Variants in COBL observed in about 807,000 individuals in gnomAD.
COBL encodes the protein cordon-bleu WH2 repeat protein, also known as protein cordon-bleu.
Under a neutral mutation model 98.8 loss-of-function variants are expected in COBL, and 51 were observed. That is an observed-to-expected ratio of 0.52 (90% confidence interval 0.41 to 0.65). The LOEUF (loss-of-function observed/expected upper bound fraction) is 0.65. COBL is among the 30% of genes least tolerant of loss of function. COBL has a pLI of 0.00. For synonymous variants in COBL, 634 were observed against 651.7 expected (o/e 0.97, Z 0.41); for missense variants, 1,617 against 1,617.5 (o/e 1.00, Z 0.01).
intron 1 of COBL, among the ~76,000 whole-genome samples, chr7:51,273,707 AAATG>A (rs375902280): frequency 6.6e-6 from 1 of 152,214 alleles, no homozygotes; most frequent in African/African-American, 2.4e-5. Flanking sequence ...AAGATTCTAA[AAATG>A]AATGACAAGT....
At chr7:51,018,409 C>T (rs530728519) in intron 12 of COBL, 5 of 152,228 alleles carry the variant, frequency 3.3e-5, no homozygotes, top group Admixed American at 2.6e-4. Context: ...CGACACCACC[C>T]GGGTCTGTCT....
chr7:51,020,759 C>A (rs1786850539), intron 12 of COBL, among the ~76,000 whole-genome samples: 1 of 152,144 alleles, frequency 6.6e-6, no homozygotes, highest in Non-Finnish European at 1.5e-5. Flanking sequence ...TTATTTGGAG[C>A]TGGAGGAGAA....
intron 5 of COBL, among the ~76,000 whole-genome samples, chr7:51,177,557 T>C (rs1209253096): frequency 6.6e-6 from 1 of 152,068 alleles, no homozygotes; most frequent in Non-Finnish European, 1.5e-5. Context: ...GCAGATCACC[T>C]GAGGTCAGGA....
At chr7:51,279,799 T>A (rs896722824) in intron 1 of COBL, among the ~76,000 whole-genome samples, 1 of 152,198 alleles carries the variant, frequency 6.6e-6, no homozygotes, top group Admixed American at 6.5e-5. Context: ...TCCTGACCCC[T>A]GGCAACAGCA....
Position 51,027,807 on chromosome 7 carries a change from G to A in COBL, c.3289C>T (p.Pro1097Ser). 6.2e-7 allele frequency: 1 copy of A among 1,614,214 alleles called. No individual in the cohort carries two copies. The highest frequency in any genetic ancestry group is 8.5e-7 in the Non-Finnish European group (1 of 1,180,042). Residue 1097 changes from proline (P) to serine (S), a missense_variant, in exon 10 of 13, where the codon CCT becomes TCT. This residue lies in a region of COBL where 1,304 missense variants were observed against 1,282.0 expected (regional missense o/e 1.02). Transcript: ENST00000265136. ...SIFGPKKKFK[P>S]VVQRPVPKDT... is the part of the protein sequence containing the mutation. Reference sequence around the variant, plus strand: ...TTTGGGACTGGTCTCTGGACAACAGGTTTGAATTTTTTCTTCGGCCCAAAA... The same window carrying A: ...TTTGGGACTGGTCTCTGGACAACAGATTTGAATTTTTTCTTCGGCCCAAAA...
At chr7:51,157,310 T>C (rs1279911290) in intron 5 of COBL, among the ~76,000 whole-genome samples, 3 of 152,062 alleles carry the variant, frequency 2.0e-5, no homozygotes, top group Non-Finnish European at 4.4e-5. Context: ...GAGGCAGAGG[T>C]TGCAGTGAGT....
chr7:51,297,391 CTTT>C (rs71021766), intron 1 of COBL, among the ~76,000 whole-genome samples: 4 of 119,266 alleles, frequency 3.4e-5, no homozygotes, highest in African/African-American at 3.2e-5. Context: ...TTTTGAAAAT[CTTT>C]TTTTTTTTTT....
chr7:51,021,418 A>AG (rs1786922243), intron 12 of COBL: 1 of 152,160 alleles, frequency 6.6e-6, no homozygotes, highest in East Asian at 1.9e-4. Context: ...ACAGCCTTGA[A>AG]CTCCTGAGCT....
At chr7:51,234,695 TG>T (rs1249533364) in intron 1 of COBL, among the ~76,000 whole-genome samples, 2 of 112,348 alleles carry the variant, frequency 1.8e-5, no homozygotes, top group Non-Finnish European at 3.6e-5. Context: ...ATCAAGGCCC[TG>T]TTTCAGAAAA....
intron 1 of COBL, among the ~76,000 whole-genome samples, chr7:51,288,032 G>T (rs2129183696): frequency 6.6e-6 from 1 of 152,316 alleles, no homozygotes; most frequent in East Asian, 1.9e-4. Context: ...CTGGGGTGAT[G>T]AAAGTGTTCT....
chr7:51,039,997 C>T (rs1216010579), intron 8 of COBL, among the ~76,000 whole-genome samples: 1 of 152,174 alleles, frequency 6.6e-6, no homozygotes, highest in Admixed American at 6.5e-5. Context: ...CTCTCACCAG[C>T]TGAGCCTCCC....
intron 1 of COBL, among the ~76,000 whole-genome samples, chr7:51,232,017 A>G (rs1210514299): frequency 6.6e-6 from 1 of 152,166 alleles, no homozygotes; most frequent in Non-Finnish European, 1.5e-5. Context: ...CTTCAGCTGG[A>G]TGTGGGATTG....
chr7:51,028,654 T>C lies in COBL; in HGVS notation c.2442A>G (p.Ile814Met), dbSNP rs765730672. The change falls in exon 10 of 13, where the codon ATA becomes ATG. Residue 814 changes from isoleucine (I) to methionine (M), a missense_variant. Physicochemically the swap from Ile to Met is conservative, Grantham distance 10. Coordinates refer to ENST00000265136, the MANE Select transcript of COBL (RefSeq NM_015198.5). Reference protein sequence around the residue: ...ESRLQADPKPISPQQKSAHHE... With the variant: ...ESRLQADPKPMSPQQKSAHHE... ...GGTGGGCAGACTTCTGCTGGGGCGATATTGGCTTGGGGTCTGCTTGGAGTC... is the reference window on the plus strand; with the variant it reads ...GGTGGGCAGACTTCTGCTGGGGCGACATTGGCTTGGGGTCTGCTTGGAGTC... The C allele has an allele frequency of 5.0e-6, 8 of 1,613,052 alleles. No homozygotes were observed. In the South Asian group the frequency reaches 8.8e-5, roughly 18 times the overall value.
intron 5 of COBL, among the ~76,000 whole-genome samples, chr7:51,158,291 A>G (rs1184253322): frequency 6.6e-6 from 1 of 152,188 alleles, no homozygotes; most frequent in Non-Finnish European, 1.5e-5. Flanking sequence ...CAAAATTTCA[A>G]AAAGGAGAAG....
intron 7 of COBL, chr7:51,064,307 T>C (rs1791677331): frequency 6.6e-6 from 1 of 151,562 alleles, no homozygotes; most frequent in Non-Finnish European, 1.5e-5. Context: ...TGAGTGGCTT[T>C]TTTTTTTTTT....
At chr7:51,310,684 CAG>C (rs1304459419) in intron 1 of COBL, among the ~76,000 whole-genome samples, 3 of 152,150 alleles carry the variant, frequency 2.0e-5, no homozygotes, top group African/African-American at 7.2e-5. Context: ...TTTTTTGAGA[CAG>C]AGTCTCTTTC....
At chr7:51,251,829 A>AT (rs1013154464) in intron 1 of COBL, among the ~76,000 whole-genome samples, 1 of 152,084 alleles carries the variant, frequency 6.6e-6, no homozygotes, top group African/African-American at 2.4e-5. Context: ...TCCATGATCC[A>AT]TTTTCCCTTT....
chr7:51,170,573 C>CAT (rs571423273), intron 5 of COBL, among the ~76,000 whole-genome samples: 12 of 147,294 alleles, frequency 8.1e-5, no homozygotes, highest in African/African-American at 2.2e-4. Flanking sequence ...ATATGTATCA[C>CAT]ATATATATAT....
In COBL at chr7:51,028,612, G is replaced by A. The variant is rs780862999; in HGVS notation, c.2484C>T (p.Pro828=). 70 of 1,613,980 alleles carry A rather than the reference G, an allele frequency of 4.3e-5. No homozygotes were observed. The South Asian group carries it at 6.4e-4, about 15-fold the overall frequency. Residue 828 remains proline (P), a synonymous_variant, in exon 10 of 13, where the codon CCC becomes CCT. Coordinates refer to ENST00000265136, the MANE Select transcript of COBL (RefSeq NM_015198.5). ...GGGGCTGGTTTCTCCCCTCCCCTAG[G>A]GGGTTCCGGCCCTCATGGTGGGCAG... The part of the protein sequence containing the change: ...QKSAHHEGRN[P]LGEGRNQPPT...
Sources: gnomAD v4.1 joint callset for allele counts (sites outside exome capture counted in the v4.1 genomes callset) on GRCh38, gnomAD v4.1.1 for gene constraint, gnomAD v4.1.1 regional missense constraint, MANE v1.5 for transcripts, NCBI Gene and HGNC (gene_info 2026-07-23, HGNC 2026-07-21) for gene names.